Variants in EYA1 observed in about 807,000 individuals in gnomAD.
EYA1 encodes protein phosphatase EYA1.
EYA1 carries 16 observed loss-of-function variants against 82.0 expected under a neutral mutation model. That is an observed-to-expected ratio of 0.20 (90% CI 0.13 to 0.30). The LOEUF (loss-of-function observed/expected upper bound fraction) is 0.30. EYA1 is among the 10% of genes least tolerant of loss of function. The probability of loss-of-function intolerance (pLI) is 1.00; values close to 1 mark genes in which losing one functional copy is unlikely to be tolerated. For missense variants in EYA1, 633 were observed against 730.7 expected (o/e 0.87, Z 1.54); for synonymous variants, 261 against 264.4 (o/e 0.99, Z 0.12).
At chr8:71,387,945 G>T (rs1183605339) in intron 2 of EYA1, among the ~76,000 whole-genome samples, 1 of 152,152 alleles carries the variant, frequency 6.6e-6, no homozygotes, top group African/African-American at 2.4e-5. Flanking sequence ...AGCAAAGTAG[G>T]AGAACTCATA....
At chr8:71,501,657 C>A (rs768546281) in intron 2 of EYA1, among the ~76,000 whole-genome samples, 8 of 152,162 alleles carry the variant, frequency 5.3e-5, no homozygotes, top group African/African-American at 1.7e-4. Context: ...GTAGAAGGAG[C>A]GTTCGCCTCT....
At chr8:71,315,374 G>C (rs773597686) in intron 7 of EYA1, among the ~76,000 whole-genome samples, 3 of 152,158 alleles carry the variant, frequency 2.0e-5, no homozygotes, top group Non-Finnish European at 2.9e-5. Context: ...GTGGATGGGC[G>C]CAGGCCCAGA....
At chr8:71,214,403 C>T (rs1360495106) in intron 16 of EYA1, among the ~76,000 whole-genome samples, 1 of 152,188 alleles carries the variant, frequency 6.6e-6, no homozygotes, top group African/African-American at 2.4e-5. Flanking sequence ...CTGTTGAACT[C>T]CTACTTGCTC....
At chr8:71,455,581 C>T (rs1807822184) in intron 2 of EYA1, among the ~76,000 whole-genome samples, 1 of 152,182 alleles carries the variant, frequency 6.6e-6, no homozygotes. Flanking sequence ...GGCTTCATCC[C>T]TGGGATGCAA....
chr8:71,477,224 G>A (rs1809733466), intron 2 of EYA1, among the ~76,000 whole-genome samples: 1 of 151,774 alleles, frequency 6.6e-6, no homozygotes, highest in African/African-American at 2.4e-5. Flanking sequence ...AAATAAATTG[G>A]ACTTCATCAA....
intron 9 of EYA1, among the ~76,000 whole-genome samples, chr8:71,282,612 TCTC>T (rs1404819597): frequency 3.3e-5 from 5 of 152,134 alleles, no homozygotes; most frequent in Admixed American, 6.6e-5. Flanking sequence ...TTTTCTCAGT[TCTC>T]CTCCTGACTC....
rs1025860202 is a variant in EYA1, at chr8:71,511,258, A to G, written c.33+24486T>C. On this transcript the variant is annotated intron_variant, in intron 2 of 18. Transcript: ENST00000643681. ...CCTTCATTTTGGTCTATATTTTCTG[A>G]GTACCTGTTACATTTCAGCATTGTT... 2.6e-5 allele frequency among the ~76,000 whole-genome samples: 4 copies of G among 152,210 alleles called. No homozygotes were observed. The South Asian group carries it at 8.3e-4, about 32-fold the overall frequency.
At chr8:71,507,647 G>A (rs758848425) in intron 2 of EYA1, among the ~76,000 whole-genome samples, 18 of 152,312 alleles carry the variant, frequency 1.2e-4, no homozygotes, top group Non-Finnish European at 1.2e-4. Flanking sequence ...TAATGTCACA[G>A]CCATTCGGTA....
chr8:71,535,447 G>T (rs1814638668), intron 2 of EYA1, among the ~76,000 whole-genome samples: 1 of 152,120 alleles, frequency 6.6e-6, no homozygotes, highest in Non-Finnish European at 1.5e-5. Context: ...CTGAGGCAAA[G>T]AAACTGTAAG....
intron 7 of EYA1, among the ~76,000 whole-genome samples, chr8:71,310,209 T>C (rs981962576): frequency 5.9e-5 from 9 of 151,614 alleles, no homozygotes; most frequent in African/African-American, 2.2e-4. Flanking sequence ...CAAGGAAAGA[T>C]GGCATTAAAC....
At chr8:71,208,419 CTCTT>C (rs1201446107) in intron 17 of EYA1, among the ~76,000 whole-genome samples, 1 of 151,804 alleles carries the variant, frequency 6.6e-6, no homozygotes, top group Non-Finnish European at 1.5e-5. Context: ...GTGACGGAGA[CTCTT>C]TCTCAAATAA....
intron 2 of EYA1, among the ~76,000 whole-genome samples, chr8:71,512,729 G>A (rs1812693730): frequency 6.6e-6 from 1 of 152,018 alleles, no homozygotes; most frequent in African/African-American, 2.4e-5. Flanking sequence ...ATTTTAAAAT[G>A]TAATGAAACA....
intron 2 of EYA1, among the ~76,000 whole-genome samples, chr8:71,449,534 T>C (rs1807184756): frequency 6.6e-6 from 1 of 152,206 alleles, no homozygotes; most frequent in Non-Finnish European, 1.5e-5. Flanking sequence ...AAAACCAAGC[T>C]ATGGACAGAT....
Position 71,445,996 on chromosome 8 carries a change from C to A in EYA1, c.34-89485G>T, listed in dbSNP as rs184398572. On this transcript the variant is annotated intron_variant, in intron 2 of 18. Transcript: ENST00000643681. Reference sequence around the variant, plus strand: ...ACTACAGTTGATTGAAACAAATAAGCCTGAACTATGCCAGTTTCAGACATA... The same window carrying A: ...ACTACAGTTGATTGAAACAAATAAGACTGAACTATGCCAGTTTCAGACATA... 1.4e-4 allele frequency among the ~76,000 whole-genome samples: 22 copies of A among 152,256 alleles called. 1 individual carries two copies. The highest frequency in any genetic ancestry group is 5.3e-4 in the African/African-American group (22 of 41,542).
chr8:71,223,695 T>C (rs1810223751), intron 12 of EYA1, among the ~76,000 whole-genome samples: 1 of 152,220 alleles, frequency 6.6e-6, no homozygotes, highest in Admixed American at 6.5e-5. Context: ...CTGTCATTAT[T>C]CTTGGCATCA....
At chr8:71,399,578 C>A (rs1829834304) in intron 2 of EYA1, among the ~76,000 whole-genome samples, 1 of 152,146 alleles carries the variant, frequency 6.6e-6, no homozygotes, top group Non-Finnish European at 1.5e-5. Context: ...AGGAATACAT[C>A]TAACAAAGGA....
intron 2 of EYA1, among the ~76,000 whole-genome samples, chr8:71,512,587 A>T (rs2129254779): frequency 6.6e-6 from 1 of 152,144 alleles, no homozygotes; most frequent in Admixed American, 6.6e-5. Flanking sequence ...GGAGAAAGTA[A>T]TTCAAAACAA....
At chr8:71,247,429 T>C (rs1417259208) in intron 11 of EYA1, among the ~76,000 whole-genome samples, 1 of 152,114 alleles carries the variant, frequency 6.6e-6, no homozygotes, top group Non-Finnish European at 1.5e-5. Context: ...CCAGGGTTGA[T>C]AAGAAGGCAG....
chr8:71,278,217 CTCT>C (rs1817426558), intron 9 of EYA1, among the ~76,000 whole-genome samples: 1 of 152,166 alleles, frequency 6.6e-6, no homozygotes, highest in African/African-American at 2.4e-5. Context: ...GTCTCTCTCT[CTCT>C]TAAGTAGATT....
Sources: allele counts gnomAD v4.1 joint callset (sites outside exome capture counted in the v4.1 genomes callset), GRCh38; gene constraint gnomAD v4.1.1; transcripts MANE v1.5; gene names NCBI Gene and HGNC (gene_info 2026-07-23, HGNC 2026-07-21).